The following GNA13 variants were observed in gnomAD, a reference collection of about 807,000 sequenced individuals.
GNA13 encodes the protein guanine nucleotide-binding protein subunit alpha-13.
GNA13 carries 4 observed loss-of-function variants against 33.5 expected under a neutral mutation model. The observed-to-expected ratio is 0.12, with a 90% confidence interval of 0.06 to 0.27. GNA13 has a LOEUF of 0.27. GNA13 is among the 10% of genes least tolerant of loss of function. The pLI is 1.00. For missense variants in GNA13, 319 were observed against 487.2 expected (o/e 0.65, Z 3.25); for synonymous variants, 176 against 183.8 (o/e 0.96, Z 0.34).
chr17:65,056,260 C>CCCCCCCCCCCCCCA, intron 1 of GNA13, 51 bp downstream of exon 1: 3 of 1,196,330 alleles, frequency 2.5e-6, no homozygotes, highest in Non-Finnish European at 3.5e-6. Context: ...CACCCGCCGC[C>CCCCCCCCCCCCCCA]GCCCCAGCCC....
chr17:65,033,437 T>G lies in GNA13; in HGVS notation c.511-15134A>C, dbSNP rs180872404. On this transcript the variant is annotated intron_variant, in intron 2 of 3. Coordinates refer to ENST00000439174, the MANE Select transcript of GNA13 (RefSeq NM_006572.6). ...AGATGTGCAAGGCCATAGTGAGCTA[T>G]GATTGCACCACTGCACTCCAGCCTG... 2.8e-3 allele frequency among the ~76,000 whole-genome samples: 419 copies of G among 151,758 alleles called. 2 individuals are homozygous for G. The highest frequency in any genetic ancestry group is 9.8e-3 in the African/African-American group (404 of 41,370).
chr17:65,035,836 A>T (rs1907228393), intron 2 of GNA13, among the ~76,000 whole-genome samples: 1 of 152,162 alleles, frequency 6.6e-6, no homozygotes, highest in South Asian at 2.1e-4. Context: ...TAAAAAGAAA[A>T]AAAGTATATG....
In GNA13 at chr17:65,010,491, T is replaced by C. The variant is rs928097649; in HGVS notation, c.*3766A>G. ...TAGACTGAAAAGCCACCCTGTATCC[T>C]ATCATTAAAAAACAAAACAAAACAA... On this transcript the variant is annotated 3_prime_UTR_variant, in exon 4 of 4. Coordinates refer to ENST00000439174, the MANE Select transcript of GNA13 (RefSeq NM_006572.6). 6.6e-6 allele frequency among the ~76,000 whole-genome samples: 1 copy of C among 152,044 alleles called. No homozygotes were observed. Among genetic ancestry groups the C allele is most frequent in the Non-Finnish European group, 1.5e-5 (1 of 68,020 alleles).
chr17:65,053,546 T>C lies in GNA13; in HGVS notation c.466A>G (p.Ser156Gly), dbSNP rs191483051. Residue 156 changes from serine (S) to glycine (G), a missense_variant, in exon 2 of 4, where the codon AGC (serine) becomes GGC (glycine). Ser to Gly is a moderately conservative substitution (Grantham distance 56). Coordinates refer to ENST00000439174, the MANE Select transcript of GNA13 (RefSeq NM_006572.6). The part of the protein sequence containing the change: ...LPAIRALWAD[S>G]GIQNAYDRRR... ...CGGTCATAGGCATTCTGTATGCCGCTGTCTGCCCATAATGCTCTTATAGCA... is the reference window on the plus strand; with the variant it reads ...CGGTCATAGGCATTCTGTATGCCGCCGTCTGCCCATAATGCTCTTATAGCA... The C allele has an allele frequency of 2.2e-5, 36 of 1,613,606 alleles. No homozygotes were observed. Among genetic ancestry groups the C allele is most frequent in the Non-Finnish European group, 3.0e-5 (35 of 1,179,446 alleles).
At chr17:65,029,833 C>CA (rs1407101834) in intron 2 of GNA13, among the ~76,000 whole-genome samples, 1 of 151,914 alleles carries the variant, frequency 6.6e-6, no homozygotes, top group Non-Finnish European at 1.5e-5. Flanking sequence ...CTACAAATGT[C>CA]AGAGTTGTCA....
rs1257110962 is a variant in GNA13 at position 65,011,410 on chromosome 17, G to A, written c.*2847C>T. ...AGTGCCCTTTCCAGATAATAAAATT[G>A]AAATGAAGATTTCAATTTAATATTT... On this transcript the variant is annotated 3_prime_UTR_variant, in exon 4 of 4. Transcript: ENST00000439174. The A allele has an allele frequency of 5.1e-6, 1 of 197,200 alleles. No individual in the cohort carries two copies. Among genetic ancestry groups the A allele is most frequent in the Non-Finnish European group, 1.1e-5 (1 of 95,050 alleles). The allele number at this position is 197,200 out of a possible 1,614,324, so 12.2% of individuals were successfully genotyped here. A position where few individuals can be genotyped will look rare whatever the true frequency, so the allele number is the denominator to read the frequency against.
chr17:65,023,945 T>G (rs1906680915), intron 2 of GNA13, among the ~76,000 whole-genome samples: 1 of 152,206 alleles, frequency 6.6e-6, no homozygotes, highest in Admixed American at 6.5e-5. Flanking sequence ...AAGCACTGAC[T>G]ATGCTCAATA....
chr17:65,017,541 C>T (rs573023712), intron 3 of GNA13, among the ~76,000 whole-genome samples: 5 of 152,210 alleles, frequency 3.3e-5, no homozygotes, highest in African/African-American at 7.2e-5. Context: ...CTTCTGTGTA[C>T]GCCCAATACA....
chr17:65,016,166 C>G (rs1489560190), intron 3 of GNA13, among the ~76,000 whole-genome samples: 1 of 152,182 alleles, frequency 6.6e-6, no homozygotes, highest in Non-Finnish European at 1.5e-5. Context: ...ACACAACTTT[C>G]TGGTAATACA....
intron 2 of GNA13, among the ~76,000 whole-genome samples, chr17:65,031,094 A>G (rs139462673): frequency 6.6e-6 from 1 of 152,344 alleles, no homozygotes; most frequent in East Asian, 1.9e-4. Context: ...CAAGTGCTAT[A>G]AAGAGCAGAA....
rs1330977115 is a variant in GNA13, at chr17:65,014,486, A to G, written c.905T>C (p.Ile302Thr). The change falls in exon 4 of 4, where the codon ATT (isoleucine) becomes ACT (threonine). Residue 302 changes from isoleucine (I) to threonine (T), a missense_variant. By Grantham distance (89) the Ile-to-Thr change is moderately conservative. This residue lies in a region of GNA13 where 134 missense variants were observed against 241.3 expected (regional missense o/e 0.56). Coordinates refer to ENST00000439174, the MANE Select transcript of GNA13 (RefSeq NM_006572.6). The surrounding 1 kb of genome is among the most constrained non-coding windows in gnomAD (Gnocchi z 5.3). ...TAGGAAATAGTCTTTGATGCTCACA[A>G]TTTGCACCTTCTCCTCAAGCAAGTC... Reference protein sequence around the residue: ...KTDLLEEKVQIVSIKDYFLEF... With the variant: ...KTDLLEEKVQTVSIKDYFLEF... 1 of 1,613,806 alleles carries G rather than the reference A, an allele frequency of 6.2e-7. No homozygotes were observed. Among genetic ancestry groups the G allele is most frequent in the East Asian group, 2.2e-5 (1 of 44,880 alleles).
chr17:65,049,955 T>A (rs1370514827), intron 2 of GNA13, among the ~76,000 whole-genome samples: 1 of 152,134 alleles, frequency 6.6e-6, no homozygotes, highest in East Asian at 1.9e-4. Context: ...GGACTACGCA[T>A]GATGAGAGCT....
chr17:65,031,921 A>AGTGTGTGT (rs148637639), intron 2 of GNA13, among the ~76,000 whole-genome samples: 205 of 91,696 alleles, frequency 2.2e-3, no homozygotes, highest in African/African-American at 7.7e-3. Context: ...AGAGAGAGAG[A>AGTGTGTGT]GTGTGTGTGT....
chr17:65,015,958 T>TG (rs1462896872), intron 3 of GNA13, among the ~76,000 whole-genome samples: 1 of 152,214 alleles, frequency 6.6e-6, no homozygotes, highest in East Asian at 1.9e-4. Flanking sequence ...TGATCACACT[T>TG]GGTCTATATA....
Position 65,025,778 on chromosome 17 carries a change from G to A in GNA13, c.511-7475C>T, listed in dbSNP as rs568255042. ...AAGGATCGCCTGAGCCCAGGAGTTCGAGACCCAGCCTAGAACACATAGAGA... is the reference window on the plus strand; with the variant it reads ...AAGGATCGCCTGAGCCCAGGAGTTCAAGACCCAGCCTAGAACACATAGAGA... On this transcript the variant is annotated intron_variant, in intron 2 of 3. Coordinates refer to ENST00000439174, the MANE Select transcript of GNA13 (RefSeq NM_006572.6). Among the ~76,000 whole-genome samples, 8 of 145,146 alleles carry A rather than the reference G, an allele frequency of 5.5e-5. No homozygotes were observed. In the South Asian group the frequency reaches 6.6e-4, roughly 12 times the overall value.
intron 2 of GNA13, among the ~76,000 whole-genome samples, chr17:65,034,301 G>T (rs1907165659): frequency 6.6e-6 from 1 of 151,754 alleles, no homozygotes; most frequent in African/African-American, 2.4e-5. Flanking sequence ...TCTTGTTGCT[G>T]CTCACAAATT....
intron 2 of GNA13, among the ~76,000 whole-genome samples, chr17:65,043,595 G>T (rs575229064): frequency 2.7e-3 from 409 of 152,122 alleles, no homozygotes; most frequent in Non-Finnish European, 5.0e-3. Context: ...ACTGAATGTG[G>T]TTTATTTTAA....
intron 2 of GNA13, among the ~76,000 whole-genome samples, chr17:65,046,118 T>A (rs1907652253): frequency 6.6e-6 from 1 of 152,186 alleles, no homozygotes; most frequent in Non-Finnish European, 1.5e-5. Context: ...TGCTTTTTTG[T>A]GGACCTGACA....
At chr17:65,019,216 C>T (rs537946642) in intron 2 of GNA13, among the ~76,000 whole-genome samples, 67 of 152,300 alleles carry the variant, frequency 4.4e-4, no homozygotes, top group Non-Finnish European at 7.5e-4. Context: ...CAAGGAGTGC[C>T]TGGGACCACA....
Sources: allele counts gnomAD v4.1 joint callset (sites outside exome capture counted in the v4.1 genomes callset), GRCh38; gene constraint gnomAD v4.1.1; regional missense constraint gnomAD v4.1.1; non-coding constraint Gnocchi (gnomAD v3.1); transcripts MANE v1.5; gene names NCBI Gene and HGNC (gene_info 2026-07-23, HGNC 2026-07-21).